The following GALR2 variants were observed in gnomAD, a reference collection of about 807,000 sequenced individuals.
The protein encoded by GALR2 is galanin receptor 2.
Under a neutral mutation model 7.2 loss-of-function variants are expected in GALR2, and 5 were observed. The ratio of observed to expected loss-of-function variants is 0.69; its 90% CI spans 0.36 to 1.45. GALR2 has a LOEUF of 1.45. Ranked by LOEUF, GALR2 falls within the 40% of genes most tolerant of loss-of-function variation. The pLI, the probability that GALR2 is intolerant of heterozygous loss-of-function variation, is 0.03. For missense variants in GALR2, 561 were observed against 555.7 expected (o/e 1.01, Z -0.10); for synonymous variants, 300 against 263.9 (o/e 1.14, Z -1.32).
At chr17:76,072,485 C>T, upstream of GALR2, 1 of 1,584,094 alleles carries the variant, frequency 6.3e-7, no homozygotes, top group South Asian at 1.1e-5. This position sits in a 1 kb window ranked among gnomAD's most constrained non-coding sequence, Gnocchi z 4.5. Context: ...TGCTTCTCAG[C>T]AGCCATCTTG....
At position 76,077,024 on chromosome 17, in the gene GALR2, C is replaced by A; in HGVS notation, c.757C>A (p.His253Asn). Residue 253 changes from histidine (H) to asparagine (N), a missense_variant, in exon 2 of 2, where the codon CAC becomes AAC. Transcript: ENST00000329003. ...CTTCTGCCTCTGCTGGATGCCCCACCACGCGCTCATCCTCTGCGTGTGGTT... is the reference window on the plus strand; with the variant it reads ...CTTCTGCCTCTGCTGGATGCCCCACAACGCGCTCATCCTCTGCGTGTGGTT... ...ALFCLCWMPHHALILCVWFGQ... is the reference protein window; with the variant it reads ...ALFCLCWMPHNALILCVWFGQ... The A allele has an allele frequency of 6.2e-7, 1 of 1,612,436 alleles. No homozygotes were observed. The highest frequency in any genetic ancestry group is 8.5e-7 in the Non-Finnish European group (1 of 1,179,900).
chr17:76,072,714 G>A, upstream of GALR2: 3 of 825,468 alleles, frequency 3.6e-6, no homozygotes, highest in Non-Finnish European at 3.6e-6. This position sits in a 1 kb window ranked among gnomAD's most constrained non-coding sequence, Gnocchi z 4.5. Context: ...AGGCCGCAGT[G>A]AGACCGTGGC....
At chr17:76,074,038 C>T (rs1232628987), upstream of GALR2, among the ~76,000 whole-genome samples, 1 of 152,090 alleles carries the variant, frequency 6.6e-6, no homozygotes, top group African/African-American at 2.4e-5. This position sits in a 1 kb window ranked among gnomAD's most constrained non-coding sequence, Gnocchi z 6.7. Flanking sequence ...CCCAGCTACT[C>T]GGGAGGCTGA....
At chr17:76,073,864 G>C (rs917180210), upstream of GALR2, among the ~76,000 whole-genome samples, 1 of 151,948 alleles carries the variant, frequency 6.6e-6, no homozygotes. Context: ...GGAAAAAGGT[G>C]GCCGGGCTCG....
upstream of GALR2, chr17:76,072,146 A>C: frequency 3.9e-6 from 5 of 1,280,038 alleles, no homozygotes; most frequent in Non-Finnish European, 5.3e-6. The surrounding 1 kb of genome is among the most constrained non-coding windows in gnomAD (Gnocchi z 4.5). Flanking sequence ...GTCGAGAGAC[A>C]GACCCCCCCC....
upstream of GALR2, chr17:76,072,594 T>TCCGCCGCCGTCGGCCC: frequency 6.8e-7 from 1 of 1,474,284 alleles, no homozygotes; most frequent in Non-Finnish European, 8.9e-7. This position sits in a 1 kb window ranked among gnomAD's most constrained non-coding sequence, Gnocchi z 4.5. Context: ...AGCGGCGGAC[T>TCCGCCGCCGTCGGCCC]CCGCCGCCGT....
Position 76,075,343 on chromosome 17 carries a change from AGT to A in GALR2, c.368+94_368+95del. ...CTGGGGACCAAGAAGGGACGCGCAG[AGT>A]GGGACAGGACACTAAGAAGGCAGTG... On this transcript the variant is annotated intron_variant, in intron 1 of 1. Transcript: ENST00000329003. The surrounding 1 kb of genome is among the most constrained non-coding windows in gnomAD (Gnocchi z 5.9). The A allele has an allele frequency of 1.5e-6, 2 of 1,368,178 alleles. No individual in the cohort carries two copies. Among genetic ancestry groups the A allele is most frequent in the South Asian group, 2.6e-5 (2 of 76,498 alleles). The allele number at this position is 1,368,178 out of a possible 1,614,324, so 84.8% of individuals were successfully genotyped here. A position where few individuals can be genotyped will look rare whatever the true frequency, so the allele number is the denominator to read the frequency against.
rs2066885827 is a variant in GALR2 at position 76,075,802 on chromosome 17, C to T, written c.368+551C>T. On this transcript the variant is annotated intron_variant, in intron 1 of 1. Transcript: ENST00000329003. The surrounding 1 kb of genome is among the most constrained non-coding windows in gnomAD (Gnocchi z 5.9). ...GCAAGGATCCACTCCGGAGTCCCAG[C>T]GAGCGTGCCTAAAGGTCCCTAGCTC... is the stretch of plus-strand genomic sequence containing the variant. Among the ~76,000 whole-genome samples the T allele has an allele frequency of 6.6e-6, 1 of 152,196 alleles. No homozygotes were observed. Among genetic ancestry groups the T allele is most frequent in the Non-Finnish European group, 1.5e-5 (1 of 68,042 alleles).
chr17:76,075,032 T>G lies in GALR2; in HGVS notation c.149T>G (p.Leu50Arg), dbSNP rs138861396. 2.7e-5 allele frequency: 44 copies of G among 1,610,538 alleles called. No homozygotes were observed. The Admixed American group carries it at 5.8e-4, about 21-fold the overall frequency. The change falls in exon 1 of 2, where the codon CTG becomes CGG. Residue 50 changes from leucine (L) to arginine (R), a missense_variant. Transcript: ENST00000329003. This position sits in a 1 kb window ranked among gnomAD's most constrained non-coding sequence, Gnocchi z 5.9. The part of the protein sequence containing the change: ...TVGNTLVLAV[L>R]LRGGQAVSTT... ...GGCAACACGCTGGTGCTGGCGGTGC[T>G]GCTGCGCGGCGGCCAGGCGGTCAGC...
upstream of GALR2, chr17:76,072,146 A>G: frequency 7.8e-7 from 1 of 1,280,060 alleles, no homozygotes; most frequent in South Asian, 1.4e-5. The surrounding 1 kb of genome is among the most constrained non-coding windows in gnomAD (Gnocchi z 4.5). Flanking sequence ...GTCGAGAGAC[A>G]GACCCCCCCC....
Position 76,074,970 on chromosome 17 carries a change from C to T in GALR2, c.87C>T (p.Pro29=), listed in dbSNP as rs1407219150. ...GGWHPEAVIV[P]LLFALIFLVG... ...GGCACCCCGAGGCGGTCATCGTGCCCCTGCTCTTCGCGCTCATCTTCCTCG... is the reference window on the plus strand; with the variant it reads ...GGCACCCCGAGGCGGTCATCGTGCCTCTGCTCTTCGCGCTCATCTTCCTCG... Residue 29 remains proline (P), a synonymous_variant, in exon 1 of 2, where the codon CCC becomes CCT. Transcript: ENST00000329003. This position sits in a 1 kb window ranked among gnomAD's most constrained non-coding sequence, Gnocchi z 6.7. The T allele has an allele frequency of 1.3e-6, 2 of 1,597,776 alleles. No homozygotes were observed. The highest frequency in any genetic ancestry group is 1.7e-5 in the Admixed American group (1 of 59,108).
In GALR2 at chr17:76,077,088, G is replaced by T; in HGVS notation, c.821G>T (p.Arg274Leu). ...FPLTRATYALRILSHLVSYAN... is the reference protein window; with the variant it reads ...FPLTRATYALLILSHLVSYAN... ...CTCACGCGCGCCACTTATGCGCTTCGCATCCTCTCGCACCTGGTCTCCTAC... is the reference window on the plus strand; with the variant it reads ...CTCACGCGCGCCACTTATGCGCTTCTCATCCTCTCGCACCTGGTCTCCTAC... The change falls in exon 2 of 2, where the codon CGC becomes CTC. Residue 274 changes from arginine to leucine, a missense_variant. Coordinates refer to ENST00000329003, the MANE Select transcript of GALR2 (RefSeq NM_003857.4). 1.9e-6 allele frequency: 3 copies of T among 1,613,004 alleles called. No homozygotes were observed. The highest frequency in any genetic ancestry group is 2.5e-6 in the Non-Finnish European group (3 of 1,179,872).
At position 76,075,139 on chromosome 17, in the gene GALR2, T is replaced by C; in HGVS notation, c.256T>C (p.Tyr86His). ...CTGCGTGCCCTTCCAGGCCACCATCTACACCCTGGACGGCTGGGTGTTCGG... is the reference window on the plus strand; with the variant it reads ...CTGCGTGCCCTTCCAGGCCACCATCCACACCCTGGACGGCTGGGTGTTCGG... ...LCCVPFQATIYTLDGWVFGSL... is the reference protein window; with the variant it reads ...LCCVPFQATIHTLDGWVFGSL... Residue 86 changes from tyrosine (Y) to histidine (H), a missense_variant, in exon 1 of 2, where the codon TAC (tyrosine) becomes CAC (histidine). Physicochemically the swap from Tyr to His is moderately conservative, Grantham distance 83 (BLOSUM62 2). Coordinates refer to ENST00000329003, the MANE Select transcript of GALR2 (RefSeq NM_003857.4). The surrounding 1 kb of genome is among the most constrained non-coding windows in gnomAD (Gnocchi z 5.9). 1 of 1,612,766 alleles carries C rather than the reference T, an allele frequency of 6.2e-7. No individual in the cohort carries two copies. The highest frequency in any genetic ancestry group is 1.9e-4 in the Middle Eastern group (1 of 5,178).
At position 76,075,490 on chromosome 17, in the gene GALR2, G is replaced by A. The variant is rs1259312111; in HGVS notation, c.368+239G>A. On this transcript the variant is annotated intron_variant, in intron 1 of 1. Transcript: ENST00000329003. This position sits in a 1 kb window ranked among gnomAD's most constrained non-coding sequence, Gnocchi z 5.9. Reference sequence around the variant, plus strand: ...AGAATGTGGCTCTCCAGCGCCGCCCGTGCCTGACAACGCGCAGCGTTTCCC... The same window carrying A: ...AGAATGTGGCTCTCCAGCGCCGCCCATGCCTGACAACGCGCAGCGTTTCCC... Among the ~76,000 whole-genome samples the A allele has an allele frequency of 1.3e-5, 2 of 152,256 alleles. No individual in the cohort carries two copies. The highest frequency in any genetic ancestry group is 2.9e-5 in the Non-Finnish European group (2 of 68,044).
chr17:76,076,861 T>A lies in GALR2; in HGVS notation c.594T>A (p.Leu198=). ...DICTFVFSYL[L]PVLVLGLTYA... ...GCACCTTCGTCTTCAGCTACCTGCT[T>A]CCTGTGCTGGTTCTCGGCCTGACCT... The change falls in exon 2 of 2, where the codon CTT becomes CTA. Residue 198 remains leucine, a synonymous_variant. Transcript: ENST00000329003. This position sits in a 1 kb window ranked among gnomAD's most constrained non-coding sequence, Gnocchi z 6.5. The A allele has an allele frequency of 6.2e-7, 1 of 1,604,442 alleles. No homozygotes were observed. Among genetic ancestry groups the A allele is most frequent in the South Asian group, 1.1e-5 (1 of 91,050 alleles).
Position 76,076,007 on chromosome 17 carries a change from G to A in GALR2, c.369-629G>A, listed in dbSNP as rs1346358357. ...TGGAGCTTGAAAGGACACTGGGATG[G>A]TTCCTGGGGAGGAAATCCGGGTATT... On this transcript the variant is annotated intron_variant, in intron 1 of 1. Transcript: ENST00000329003. The surrounding 1 kb of genome is among the most constrained non-coding windows in gnomAD (Gnocchi z 6.5). Among the ~76,000 whole-genome samples the A allele has an allele frequency of 6.6e-6, 1 of 152,178 alleles. No homozygotes were observed. Among genetic ancestry groups the A allele is most frequent in the Non-Finnish European group, 1.5e-5 (1 of 68,024 alleles).
At position 76,077,098 on chromosome 17, in the gene GALR2, G is replaced by A; in HGVS notation, c.831G>A (p.Ser277=). The change falls in exon 2 of 2, where the codon TCG becomes TCA. Residue 277 remains serine (S), a synonymous_variant. Transcript: ENST00000329003. ...CCACTTATGCGCTTCGCATCCTCTCGCACCTGGTCTCCTACGCCAACTCCT... is the reference window on the plus strand; with the variant it reads ...CCACTTATGCGCTTCGCATCCTCTCACACCTGGTCTCCTACGCCAACTCCT... ...TRATYALRIL[S]HLVSYANSCV... is the part of the protein sequence containing the mutation. 1.2e-6 allele frequency: 2 copies of A among 1,613,044 alleles called. No individual in the cohort carries two copies. The highest frequency in any genetic ancestry group is 1.7e-6 in the Non-Finnish European group (2 of 1,179,908).
chr17:76,075,219 C>T lies in GALR2; in HGVS notation c.336C>T (p.Ser112=), dbSNP rs1287461237. The T allele has an allele frequency of 6.2e-7, 1 of 1,606,826 alleles. No homozygotes were observed. ...HFLIFLTMHA[S]SFTLAAVSLD... ...TCATCTTCCTCACCATGCACGCCAG[C>T]AGCTTCACGCTGGCCGCCGTCTCCC... Residue 112 remains serine (S), a synonymous_variant, in exon 1 of 2, where the codon AGC becomes AGT. Transcript: ENST00000329003. The surrounding 1 kb of genome is among the most constrained non-coding windows in gnomAD (Gnocchi z 5.9).
upstream of GALR2, chr17:76,072,650 C>G (rs1269632460): frequency 7.3e-7 from 1 of 1,366,390 alleles, no homozygotes; most frequent in East Asian, 2.8e-5. This position sits in a 1 kb window ranked among gnomAD's most constrained non-coding sequence, Gnocchi z 4.5. Flanking sequence ...CGCGCCTGCG[C>G]GAGGGATCCT....
Sources: gnomAD v4.1 joint callset for allele counts (sites outside exome capture counted in the v4.1 genomes callset) on GRCh38, gnomAD v4.1.1 for gene constraint, Gnocchi (gnomAD v3.1) non-coding constraint, MANE v1.5 for transcripts, NCBI Gene and HGNC (gene_info 2026-07-23, HGNC 2026-07-21) for gene names.